The following CFAP70 variants were observed in gnomAD, a reference collection of about 807,000 sequenced individuals.
CFAP70 encodes the protein cilia and flagella associated protein 70, also known as cilia- and flagella-associated protein 70.
In CFAP70, 81 loss-of-function variants were observed where a neutral mutation model predicts 137.6. That is an observed-to-expected ratio of 0.59 (90% CI 0.49 to 0.71). CFAP70 has a LOEUF of 0.71. Ranked by LOEUF, CFAP70 falls within the 30% of genes least tolerant of loss-of-function variation. The pLI is 0.00. For synonymous variants in CFAP70, 382 were observed against 423.6 expected (o/e 0.90, Z 1.20); for missense variants, 976 against 1,226.7 (o/e 0.80, Z 3.05).
rs188746144 is a variant in CFAP70, at chr10:73,335,669, T to C, written c.583-145A>G. On this transcript the variant is annotated intron_variant, in intron 6 of 26. Transcript: ENST00000310715. ...TAAGTATGACTACTATTGCAACTAC[T>C]ACCACCACCTTAAAATTATGAGTAC... 6 of 465,992 alleles carry C rather than the reference T, an allele frequency of 1.3e-5. No individual in the cohort carries two copies. The Admixed American group carries it at 1.8e-4, about 14-fold the overall frequency. 28.9% of individuals were successfully genotyped at this position (465,992 alleles called of 1,614,324 possible). A position where few individuals can be genotyped will look rare whatever the true frequency, so the allele number is the denominator to read the frequency against.
intron 19 of CFAP70, among the ~76,000 whole-genome samples, chr10:73,288,231 T>C (rs75925262): frequency 0.045 from 6,831 of 152,026 alleles, 477 homozygotes; most frequent in African/African-American, 0.15. Context: ...CACTTGACAA[T>C]ACTTTTGAAG....
At chr10:73,361,293 C>CTTTT (rs577780984), upstream of CFAP70, among the ~76,000 whole-genome samples, 84 of 128,376 alleles carry the variant, frequency 6.5e-4, no homozygotes, top group East Asian at 2.4e-3. Context: ...CATGCCCGGC[C>CTTTT]TTTTTTTTTT....
chr10:73,259,477 T>C (rs2044906514), intron 25 of CFAP70, among the ~76,000 whole-genome samples: 1 of 152,174 alleles, frequency 6.6e-6, no homozygotes, highest in South Asian at 2.1e-4. Context: ...TGTTTTTTCT[T>C]TTTTGAGACA....
intron 6 of CFAP70, among the ~76,000 whole-genome samples, chr10:73,339,736 T>C (rs1284136921): frequency 6.6e-6 from 1 of 152,198 alleles, no homozygotes; most frequent in Non-Finnish European, 1.5e-5. Context: ...ACCAGGCATA[T>C]TGCAAACGGC....
At chr10:73,359,745 C>G (rs142554131), upstream of CFAP70, among the ~76,000 whole-genome samples, 51 of 152,194 alleles carry the variant, frequency 3.4e-4, no homozygotes, top group Non-Finnish European at 5.3e-4. Flanking sequence ...GCATAGAATA[C>G]TGGCGTGATT....
Position 73,298,896 on chromosome 10 carries a change from G to T in CFAP70, c.1512+11C>A. The T allele has an allele frequency of 6.2e-7, 1 of 1,612,552 alleles. No homozygotes were observed. Among genetic ancestry groups the T allele is most frequent in the Non-Finnish European group, 8.5e-7 (1 of 1,179,100 alleles). ...ACACCCATGGAGTAATTAAACAAGT[G>T]AATGTTTTACCTTGAGTTGTTCTTT... On this transcript the variant is annotated intron_variant, in intron 14 of 26. Coordinates refer to ENST00000310715, the Ensembl canonical transcript of CFAP70.
rs1291837251 is a variant in CFAP70 at position 73,335,423 on chromosome 10, T to C, written c.677+7A>G. On this transcript the variant is annotated splice_region_variant and intron_variant, in intron 7 of 26. Transcript: ENST00000310715. ...GGTTAGACATATGTCCTTCCTCTTC[T>C]TCTTACCTGACCACTGCAGAAGGAT... 2 of 1,602,076 alleles carry C rather than the reference T, an allele frequency of 1.2e-6. No homozygotes were observed. Among genetic ancestry groups the C allele is most frequent in the East Asian group, 2.2e-5 (1 of 44,694 alleles).
chr10:73,358,155 C>G (rs1208687670), intron 1 of CFAP70, among the ~76,000 whole-genome samples: 1 of 152,218 alleles, frequency 6.6e-6, no homozygotes, highest in Non-Finnish European at 1.5e-5. Flanking sequence ...AGCGTTTGTC[C>G]TGAGAGCTCA....
chr10:73,270,466 CTTTT>C (rs2046179763), intron 24 of CFAP70, among the ~76,000 whole-genome samples: 1 of 110,298 alleles, frequency 9.1e-6, no homozygotes. Context: ...CCACCCTTTT[CTTTT>C]CTCTTTTCTT....
chr10:73,358,245 C>G (rs6480703), intron 1 of CFAP70, among the ~76,000 whole-genome samples: 23,280 of 152,234 alleles, frequency 0.15, 2,900 homozygotes, highest in African/African-American at 0.32. Flanking sequence ...TTGTACACAA[C>G]AGGCGTTCGC....
upstream of CFAP70, chr10:73,358,836 G>A (rs988082904): frequency 2.0e-5 from 3 of 152,286 alleles, no homozygotes; most frequent in Admixed American, 6.5e-5. Flanking sequence ...CTGGGGCCGG[G>A]AGCAGGGAGC....
At chr10:73,305,220 C>T (rs565545393) in intron 12 of CFAP70, among the ~76,000 whole-genome samples, 1 of 152,202 alleles carries the variant, frequency 6.6e-6, no homozygotes, top group Admixed American at 6.5e-5. Context: ...GCACTGAAAC[C>T]TACACAGGGT....
chr10:73,260,212 G>A (rs1232332557), intron 25 of CFAP70, among the ~76,000 whole-genome samples: 1 of 151,996 alleles, frequency 6.6e-6, no homozygotes, highest in Non-Finnish European at 1.5e-5. Flanking sequence ...AATTATCCAG[G>A]AGTGGTGGTG....
At chr10:73,321,275 G>A (rs959919235) in intron 9 of CFAP70, among the ~76,000 whole-genome samples, 9 of 152,148 alleles carry the variant, frequency 5.9e-5, no homozygotes, top group African/African-American at 9.6e-5. Context: ...AAAAATAGCC[G>A]GGCGTGGTAG....
At chr10:73,355,654 G>T (rs768510562) in intron 1 of CFAP70, among the ~76,000 whole-genome samples, 1 of 152,162 alleles carries the variant, frequency 6.6e-6, no homozygotes, top group African/African-American at 2.4e-5. Context: ...GCACATGCCT[G>T]TAAGTCCCAG....
intron 3 of CFAP70, among the ~76,000 whole-genome samples, chr10:73,351,725 C>T (rs2054290522): frequency 6.6e-6 from 1 of 152,188 alleles, no homozygotes; most frequent in South Asian, 2.1e-4. Context: ...GCCACTGTGC[C>T]CAGCCCATTA....
chr10:73,316,639 TA>T (rs1479566776), intron 9 of CFAP70, among the ~76,000 whole-genome samples: 1 of 151,622 alleles, frequency 6.6e-6, no homozygotes, highest in Non-Finnish European at 1.5e-5. Flanking sequence ...ACATCCTAAC[TA>T]ATAACAATCT....
chr10:73,342,847 C>T (rs573972800), intron 5 of CFAP70, among the ~76,000 whole-genome samples: 64 of 150,782 alleles, frequency 4.2e-4, no homozygotes, highest in Middle Eastern at 6.9e-3. Flanking sequence ...GAGGCCGAGG[C>T]GGGCGGATCA....
chr10:73,315,791 C>G (rs2050293043), intron 9 of CFAP70, among the ~76,000 whole-genome samples: 1 of 152,166 alleles, frequency 6.6e-6, no homozygotes, highest in Non-Finnish European at 1.5e-5. Flanking sequence ...TCTCCAACTT[C>G]TGAGCTCAAG....
Sources: gnomAD v4.1 joint callset for allele counts (sites outside exome capture counted in the v4.1 genomes callset) on GRCh38, gnomAD v4.1.1 for gene constraint, MANE v1.5 for transcripts, NCBI Gene and HGNC (gene_info 2026-07-23, HGNC 2026-07-21) for gene names.